KIAA1549L: variants seen among roughly 807,000 people sequenced by gnomAD.
KIAA1549L encodes UPF0606 protein KIAA1549L.
A neutral mutation model predicts 160.7 loss-of-function variants in KIAA1549L; 88 were observed. That is an observed-to-expected ratio of 0.55 (90% confidence interval 0.46 to 0.65). The LOEUF (loss-of-function observed/expected upper bound fraction) is 0.65, where lower values mean the gene tolerates loss of function less well. Ranked by LOEUF, KIAA1549L falls within the 30% of genes least tolerant of loss-of-function variation. The pLI, the probability that KIAA1549L is intolerant of heterozygous loss-of-function variation, is 0.00. For synonymous variants in KIAA1549L, 950 were observed against 976.7 expected (o/e 0.97, Z 0.51); for missense variants, 2,258 against 2,437.5 (o/e 0.93, Z 1.55).
chr11:33,407,951 T>G (rs1417462796), intron 1 of KIAA1549L, among the ~76,000 whole-genome samples: 1 of 152,212 alleles, frequency 6.6e-6, no homozygotes, highest in African/African-American at 2.4e-5. Flanking sequence ...CTACTGGGAA[T>G]GACCCGTTCC....
Position 33,545,119 on chromosome 11 carries a change from C to T in KIAA1549L, c.3126C>T (p.Pro1042=), listed in dbSNP as rs747862576. 3.7e-6 allele frequency: 6 copies of T among 1,613,898 alleles called. No individual in the cohort carries two copies. Among genetic ancestry groups the T allele is most frequent in the Middle Eastern group, 1.6e-4 (1 of 6,084 alleles). Residue 1042 remains proline, a synonymous_variant, in exon 3 of 21, where the codon CCC becomes CCT. Transcript: ENST00000658780. ...ASGLLSTTYL[P]RKPQAMHTGL... ...GCCTGTTGTCTACAACTTACCTCCC[C>T]AGGAAACCACAAGCCATGCACACCG... is the stretch of plus-strand genomic sequence containing the variant.
chr11:33,544,176 T>A lies in KIAA1549L; in HGVS notation c.2613T>A (p.Ile871=). 2 of 1,613,986 alleles carry A rather than the reference T, an allele frequency of 1.2e-6. No homozygotes were observed. Among genetic ancestry groups the A allele is most frequent in the Non-Finnish European group, 1.7e-6 (2 of 1,179,884 alleles). Reference sequence around the variant, plus strand: ...ATGGAACAGATACAGGTTCTGAAATTTCCAGTGACATCAATTCATCACCTG... The same window carrying A: ...ATGGAACAGATACAGGTTCTGAAATATCCAGTGACATCAATTCATCACCTG... The part of the protein sequence containing the change: ...LSDGTDTGSE[I]SSDINSSPER... The change falls in exon 2 of 21, where the codon ATT becomes ATA. Residue 871 remains isoleucine (I), a synonymous_variant. Coordinates refer to ENST00000658780, the MANE Select transcript of KIAA1549L (RefSeq NM_012194.3).
At chr11:33,486,681 C>T (rs1430837786) in intron 1 of KIAA1549L, among the ~76,000 whole-genome samples, 1 of 152,058 alleles carries the variant, frequency 6.6e-6, no homozygotes, top group Non-Finnish European at 1.5e-5. Context: ...GACAAATTAT[C>T]CTTTGAATCA....
intron 10 of KIAA1549L, among the ~76,000 whole-genome samples, chr11:33,578,210 G>C (rs1855518753): frequency 6.6e-6 from 1 of 152,180 alleles, no homozygotes; most frequent in African/African-American, 2.4e-5. Flanking sequence ...AGGAGAGAGA[G>C]ATCCTATCAG....
chr11:33,472,275 C>CTTTTTTTT, intron 1 of KIAA1549L, among the ~76,000 whole-genome samples: 1 of 102,778 alleles, frequency 9.7e-6, no homozygotes, highest in Non-Finnish European at 2.0e-5. Context: ...TCATGCCTGG[C>CTTTTTTTT]TTTTTTTTTT....
At chr11:33,614,769 C>G (rs573872671) in intron 15 of KIAA1549L, among the ~76,000 whole-genome samples, 1 of 148,420 alleles carries the variant, frequency 6.7e-6, no homozygotes, top group Non-Finnish European at 1.5e-5. Context: ...CGCGCCACCA[C>G]GCCCAGCTAA....
intron 16 of KIAA1549L, among the ~76,000 whole-genome samples, chr11:33,627,485 G>A (rs970643237): frequency 9.2e-5 from 14 of 151,880 alleles, no homozygotes; most frequent in Non-Finnish European, 1.8e-4. Context: ...TTTAGTCTTC[G>A]GAGAGTGTAT....
intron 1 of KIAA1549L, among the ~76,000 whole-genome samples, chr11:33,400,196 C>G (rs1850469831): frequency 6.6e-6 from 1 of 152,156 alleles, no homozygotes. Flanking sequence ...ATTTACAAAA[C>G]ATGCATGATG....
intron 16 of KIAA1549L, among the ~76,000 whole-genome samples, chr11:33,639,944 C>G (rs1851541746): frequency 2.6e-5 from 4 of 152,084 alleles, no homozygotes; most frequent in Admixed American, 2.6e-4. Context: ...ATATGGTAGC[C>G]TAAAAACTCC....
intron 1 of KIAA1549L, among the ~76,000 whole-genome samples, chr11:33,441,166 C>T (rs914989420): frequency 1.1e-4 from 17 of 150,754 alleles, no homozygotes; most frequent in African/African-American, 3.9e-4. Flanking sequence ...TGAGAACATG[C>T]GGTGCTTGGT....
chr11:33,406,108 G>A (rs1441328369), intron 1 of KIAA1549L, among the ~76,000 whole-genome samples: 1 of 152,180 alleles, frequency 6.6e-6, no homozygotes, highest in African/African-American at 2.4e-5. Context: ...AATGGCCACT[G>A]TGATGAGCCT....
chr11:33,641,700 T>C (rs1590430169), intron 16 of KIAA1549L, among the ~76,000 whole-genome samples: 1 of 147,238 alleles, frequency 6.8e-6, no homozygotes, highest in African/African-American at 2.5e-5. Flanking sequence ...TCCTGCTAAT[T>C]ATGGGGAACA....
Position 33,542,442 on chromosome 11 carries a change from A to G in KIAA1549L, c.879A>G (p.Pro293=), listed in dbSNP as rs766907509. The change falls in exon 2 of 21, where the codon CCA becomes CCG. Residue 293 remains proline, a synonymous_variant. Transcript: ENST00000658780. The part of the protein sequence containing the change: ...LGQNIANPLI[P]FSDEMDHTAS... Reference sequence around the variant, plus strand: ...AGAACATAGCTAATCCCTTAATCCCATTTTCTGATGAAATGGACCACACTG... The same window carrying G: ...AGAACATAGCTAATCCCTTAATCCCGTTTTCTGATGAAATGGACCACACTG... 1.9e-6 allele frequency: 3 copies of G among 1,602,362 alleles called. No individual in the cohort carries two copies. Among genetic ancestry groups the G allele is most frequent in the East Asian group, 2.2e-5 (1 of 44,776 alleles).
In KIAA1549L at chr11:33,408,949, C is replaced by CAAAAAA. The variant is rs763850676; in HGVS notation, c.238+32077_238+32082dup. ...TGGGTGACAGAGCGCGACTCCATCT[C>CAAAAAA]AAAAAAAAAAAAAAAAAAAAAATTA... On this transcript the variant is annotated intron_variant, in intron 1 of 20. Transcript: ENST00000658780. 4.0e-3 allele frequency among the ~76,000 whole-genome samples: 267 copies of CAAAAAA among 66,756 alleles called. 9 individuals are homozygous for CAAAAAA. Among genetic ancestry groups the CAAAAAA allele is most frequent in the Middle Eastern group, 0.017 (2 of 118 alleles). The allele number at this position is 66,756 out of a possible 152,430, so 43.8% of individuals were successfully genotyped here. A position where few individuals can be genotyped will look rare whatever the true frequency, so the allele number is the denominator to read the frequency against.
chr11:33,524,191 A>G (rs920602539), intron 1 of KIAA1549L, among the ~76,000 whole-genome samples: 2 of 152,036 alleles, frequency 1.3e-5, no homozygotes, highest in African/African-American at 4.8e-5. Flanking sequence ...ATTGATTTTG[A>G]TTATCGACAT....
intron 16 of KIAA1549L, among the ~76,000 whole-genome samples, chr11:33,621,571 G>A (rs2133355626): frequency 6.6e-6 from 1 of 152,120 alleles, no homozygotes; most frequent in South Asian, 2.1e-4. Flanking sequence ...AGCCTAATGT[G>A]TAAAAGCAAA....
At chr11:33,430,009 C>CCCTCCCTTCCTT (rs369468169) in intron 1 of KIAA1549L, among the ~76,000 whole-genome samples, 1 of 93,298 alleles carries the variant, frequency 1.1e-5, no homozygotes, top group African/African-American at 4.6e-5. Context: ...GCTCTGCCCT[C>CCCTCCCTTCCTT]CCTTCCTTCC....
intron 1 of KIAA1549L, among the ~76,000 whole-genome samples, chr11:33,498,228 G>A (rs563042321): frequency 2.6e-5 from 4 of 152,300 alleles, no homozygotes; most frequent in East Asian, 3.9e-4. Context: ...CCAGAAGGTC[G>A]AGGCCACCAC....
At chr11:33,502,360 A>G (rs1415286078) in intron 1 of KIAA1549L, among the ~76,000 whole-genome samples, 1 of 152,158 alleles carries the variant, frequency 6.6e-6, no homozygotes, top group Non-Finnish European at 1.5e-5. Flanking sequence ...GAAGTATTGC[A>G]CCGAAAGCTT....
Sources: gnomAD v4.1 joint callset for allele counts (sites outside exome capture counted in the v4.1 genomes callset) on GRCh38, gnomAD v4.1.1 for gene constraint, MANE v1.5 for transcripts, NCBI Gene and HGNC (gene_info 2026-07-23, HGNC 2026-07-21) for gene names.